CACNA2D3: variants seen among roughly 807,000 people sequenced by gnomAD.
CACNA2D3 encodes voltage-dependent calcium channel subunit alpha-2/delta-3.
Under a neutral mutation model 160.6 loss-of-function variants are expected in CACNA2D3, and 60 were observed. The observed-to-expected ratio is 0.37, with a 90% confidence interval of 0.30 to 0.46. The LOEUF (loss-of-function observed/expected upper bound fraction) is 0.46. Among genes scored for constraint, CACNA2D3 ranks in the 20% least tolerant of loss-of-function variants. The pLI is 1.00. For missense variants in CACNA2D3, 1,205 were observed against 1,365.0 expected (o/e 0.88, Z 1.85); for synonymous variants, 558 against 492.9 (o/e 1.13, Z -1.75).
intron 23 of CACNA2D3, among the ~76,000 whole-genome samples, chr3:54,886,304 A>C (rs953927018): frequency 3.3e-5 from 5 of 152,240 alleles, no homozygotes; most frequent in African/African-American, 1.2e-4. Context: ...TCCAGCTACT[A>C]AATGACATCT....
intron 9 of CACNA2D3, among the ~76,000 whole-genome samples, chr3:54,603,808 GAC>G (rs1165943866): frequency 6.6e-6 from 1 of 151,976 alleles, no homozygotes; most frequent in Non-Finnish European, 1.5e-5. Context: ...AGTTCATTGT[GAC>G]AAAGAACCAA....
chr3:54,989,016 G>A lies in CACNA2D3; in HGVS notation c.2690+1263G>A, dbSNP rs568689676. Among the ~76,000 whole-genome samples the A allele has an allele frequency of 7.2e-5, 11 of 152,326 alleles. 1 individual carries two copies. In the South Asian group the frequency reaches 2.3e-3, roughly 32 times the overall value. On this transcript the variant is annotated intron_variant, in intron 31 of 37. Transcript: ENST00000474759. The stretch of plus-strand genomic sequence containing the variant: ...AAACTCTGCTTGGATCTGGGCTGGA[G>A]TGGCTGTGGAGTTTTCCACCACTTC...
At chr3:55,069,394 T>C (rs985249735) in intron 35 of CACNA2D3, among the ~76,000 whole-genome samples, 2 of 152,200 alleles carry the variant, frequency 1.3e-5, no homozygotes, top group African/African-American at 4.8e-5. Flanking sequence ...TTCCCTCCAA[T>C]TTTTAGCTAG....
chr3:54,665,328 A>G (rs1559543421), intron 11 of CACNA2D3, among the ~76,000 whole-genome samples: 1 of 152,192 alleles, frequency 6.6e-6, no homozygotes, highest in East Asian at 1.9e-4. Context: ...AATTATGCCT[A>G]TGGAATAAGC....
intron 35 of CACNA2D3, among the ~76,000 whole-genome samples, chr3:55,025,232 C>A (rs553275279): frequency 1.3e-5 from 2 of 152,268 alleles, no homozygotes; most frequent in East Asian, 3.9e-4. Context: ...AGATTTCAAA[C>A]TAAAGAAATA....
intron 6 of CACNA2D3, among the ~76,000 whole-genome samples, chr3:54,566,716 T>A (rs1702414969): frequency 6.6e-6 from 1 of 152,212 alleles, no homozygotes; most frequent in Non-Finnish European, 1.5e-5. Context: ...TCTATAGCCG[T>A]ACGCAGGGGA....
chr3:54,930,386 GA>G (rs757751272), intron 27 of CACNA2D3, among the ~76,000 whole-genome samples: 1 of 152,198 alleles, frequency 6.6e-6, no homozygotes, highest in Non-Finnish European at 1.5e-5. Context: ...AAATGGGATT[GA>G]AAGGCACTCT....
At chr3:54,717,552 T>TGTGCATGTGTG (rs1701074404) in intron 11 of CACNA2D3, among the ~76,000 whole-genome samples, 1 of 7,344 alleles carries the variant, frequency 1.4e-4, no homozygotes, top group Admixed American at 2.0e-3. Flanking sequence ...GCATGTGTGG[T>TGTGCATGTGTG]GTGTGTGTGT....
chr3:54,145,885 C>G (rs539187311), intron 2 of CACNA2D3, among the ~76,000 whole-genome samples: 18 of 152,076 alleles, frequency 1.2e-4, no homozygotes, highest in Non-Finnish European at 2.2e-4. Flanking sequence ...CTCTTAATAT[C>G]GCTTTCATAT....
At chr3:55,061,304 G>A (rs1057497667) in intron 35 of CACNA2D3, among the ~76,000 whole-genome samples, 1 of 152,224 alleles carries the variant, frequency 6.6e-6, no homozygotes, top group Non-Finnish European at 1.5e-5. Context: ...TCCCACACTG[G>A]TGAAACGGAG....
intron 5 of CACNA2D3, among the ~76,000 whole-genome samples, chr3:54,541,167 C>T (rs1300401301): frequency 4.0e-5 from 6 of 150,238 alleles, no homozygotes; most frequent in Admixed American, 6.7e-5. Context: ...GTCCCAGCTA[C>T]TCGGGAGGCT....
intron 27 of CACNA2D3, among the ~76,000 whole-genome samples, chr3:54,908,069 T>C (rs1700483863): frequency 1.3e-5 from 2 of 152,236 alleles, no homozygotes; most frequent in South Asian, 2.1e-4. Context: ...CTTGGGTACA[T>C]ACCTAAAAGT....
intron 4 of CACNA2D3, among the ~76,000 whole-genome samples, chr3:54,411,109 T>A (rs930693630): frequency 1.5e-4 from 23 of 152,180 alleles, no homozygotes; most frequent in Admixed American, 3.9e-4. Flanking sequence ...AATCTCATGA[T>A]AAAAGTTTAA....
chr3:54,688,568 A>G (rs929575230), intron 11 of CACNA2D3, among the ~76,000 whole-genome samples: 1 of 151,808 alleles, frequency 6.6e-6, no homozygotes, highest in African/African-American at 2.4e-5. Context: ...AAAACTCAAT[A>G]TTTAGGTCTG....
At chr3:54,883,823 C>CTCTCTCTCTCTCT (rs60132112) in intron 21 of CACNA2D3, among the ~76,000 whole-genome samples, 163 of 88,868 alleles carry the variant, frequency 1.8e-3, no homozygotes, top group South Asian at 3.7e-3. Flanking sequence ...CTCTCTCTCT[C>CTCTCTCTCTCTCT]CTCTCTCTCC....
intron 31 of CACNA2D3, among the ~76,000 whole-genome samples, chr3:55,004,455 A>G (rs1458465845): frequency 2.0e-5 from 3 of 151,740 alleles, no homozygotes; most frequent in Non-Finnish European, 4.4e-5. Flanking sequence ...CCTTTGGAAT[A>G]TCTTGCTCAA....
In CACNA2D3 at chr3:54,179,320, G is replaced by C. The variant is rs1264756393; in HGVS notation, c.204+55726G>C. Among the ~76,000 whole-genome samples, 4 of 152,312 alleles carry C rather than the reference G, an allele frequency of 2.6e-5. No individual in the cohort carries two copies. The South Asian group carries it at 6.2e-4, about 24-fold the overall frequency. On this transcript the variant is annotated intron_variant, in intron 2 of 37. Transcript: ENST00000474759. ...GACATGCAGAAGGATCTGGAAGGCTGGGCCTTTGGGCAGTCTTGCTCTCTT... is the reference window on the plus strand; with the variant it reads ...GACATGCAGAAGGATCTGGAAGGCTCGGCCTTTGGGCAGTCTTGCTCTCTT...
At position 54,924,664 on chromosome 3, in the gene CACNA2D3, G is replaced by A. The variant is rs772427357; in HGVS notation, c.2449+24796G>A. The A allele has an allele frequency of 4.3e-6, 7 of 1,613,978 alleles. No homozygotes were observed. In the Admixed American group the frequency reaches 6.7e-5, roughly 15 times the overall value. ...AGCCAGAGTTTAAGACCGAGCAAGT[G>A]GCAATTGCATTTCCAGAGGTTGTCC... On this transcript the variant is annotated intron_variant, in intron 27 of 37. Coordinates refer to ENST00000474759, the MANE Select transcript of CACNA2D3 (RefSeq NM_018398.3).
chr3:54,567,627 C>T (rs1312634641), intron 6 of CACNA2D3, among the ~76,000 whole-genome samples: 1 of 152,126 alleles, frequency 6.6e-6, no homozygotes, highest in African/African-American at 2.4e-5. Flanking sequence ...CCTCTGCTGC[C>T]CAAGTTCAAG....
Sources: gnomAD v4.1 joint callset for allele counts (sites outside exome capture counted in the v4.1 genomes callset) on GRCh38, gnomAD v4.1.1 for gene constraint, MANE v1.5 for transcripts, NCBI Gene and HGNC (gene_info 2026-07-23, HGNC 2026-07-21) for gene names.